The following PRRG3 variants were observed in gnomAD, a reference collection of about 807,000 sequenced individuals.
The protein encoded by PRRG3 is transmembrane gamma-carboxyglutamic acid protein 3.
Under a neutral mutation model 15.8 loss-of-function variants are expected in PRRG3, and 21 were observed. That is an observed-to-expected ratio of 1.33 (90% CI 0.94 to 1.92). The LOEUF is 1.92. Among genes scored for constraint, PRRG3 ranks in the 40% most tolerant of loss-of-function variants. The probability of loss-of-function intolerance (pLI) is 0.00; values close to 1 mark genes in which losing one functional copy is unlikely to be tolerated. For missense variants in PRRG3, 251 were observed against 200.2 expected (o/e 1.25, Z -1.53); for synonymous variants, 125 against 84.1 (o/e 1.49, Z -2.66).
In PRRG3 at chrX:151,705,451, C is replaced by A. The variant is rs1436554750; in HGVS notation, c.*4418C>A. On this transcript the variant is annotated 3_prime_UTR_variant, in exon 4 of 4. Coordinates refer to ENST00000674457, the MANE Select transcript of PRRG3 (RefSeq NM_001372163.1). ...AACAGTTGTTTCACTGTACTGATAT[C>A]TGACTGCTGAACAGTGCCTGCCCTT... The A allele has an allele frequency of 9.0e-6, 3 of 334,170 alleles. No individual in the cohort carries two copies. Among genetic ancestry groups the A allele is most frequent in the South Asian group, 5.4e-5 (2 of 36,956 alleles). 27.5% of individuals were successfully genotyped at this position (334,170 alleles called of 1,213,427 possible).
rs2014958139 is a variant in PRRG3 at position 151,705,399 on chromosome X, A to G, written c.*4366A>G. 1 of 341,219 alleles carries G rather than the reference A, an allele frequency of 2.9e-6. No homozygotes were observed. The highest frequency in any genetic ancestry group is 2.7e-5 in the African/African-American group (1 of 37,554). The allele number at this position is 341,219 out of a possible 1,213,427, so 28.1% of individuals were successfully genotyped here. On this transcript the variant is annotated 3_prime_UTR_variant, in exon 4 of 4. Coordinates refer to ENST00000674457, the MANE Select transcript of PRRG3 (RefSeq NM_001372163.1). The stretch of plus-strand genomic sequence containing the variant: ...ATTTATCTGACAAACATACCCAAAT[A>G]GCACACCCTCTCAAGCTCAATGCCT...
chrX:151,700,109 T>C lies in PRRG3; in HGVS notation c.121T>C (p.Cys41Arg). 1 of 1,212,006 alleles carries C rather than the reference T, an allele frequency of 8.3e-7. No individual in the cohort carries two copies. The highest frequency in any genetic ancestry group is 1.1e-6 in the Non-Finnish European group (1 of 895,605). ...TIERECMEEI[C>R]SYEEVKEVFE... ...CGAGCGAGAGTGCATGGAGGAGATC[T>C]GCAGCTACGAGGAGGTCAAGGAAGT... The change falls in exon 3 of 4, where the codon TGC (cysteine) becomes CGC (arginine). Residue 41 changes from cysteine to arginine, a missense_variant. Coordinates refer to ENST00000674457, the MANE Select transcript of PRRG3 (RefSeq NM_001372163.1).
intron 2 of PRRG3, among the ~76,000 whole-genome samples, 157 bp downstream of exon 2, chrX:151,698,978 C>G (rs1470976489): frequency 8.9e-6 from 1 of 112,535 alleles, no homozygotes. Context: ...CCTCTCAACT[C>G]TTTGGCTCCC....
At position 151,700,903 on chromosome X, in the gene PRRG3, C is replaced by T. The variant is rs778137037; in HGVS notation, c.566C>T (p.Thr189Ile). 1.1e-5 allele frequency: 13 copies of T among 1,207,584 alleles called. No individual in the cohort carries two copies. In the East Asian group the frequency reaches 3.9e-4, roughly 36 times the overall value. Residue 189 changes from threonine (T) to isoleucine (I), a missense_variant, in exon 4 of 4, where the codon ACC (threonine) becomes ATC (isoleucine). By Grantham distance (89) the Thr-to-Ile change is moderately conservative. Transcript: ENST00000674457. ...TCTCTCTCCAGACTGTCCAGCACCA[C>T]CCCTCCCCCCTCCTACGAGGAGGTG... is the stretch of plus-strand genomic sequence containing the variant. ...ELSLSRLSST[T>I]PPPSYEEVTA...
chrX:151,697,237 T>C (rs1489277413), intron 1 of PRRG3, among the ~76,000 whole-genome samples: 1 of 108,618 alleles, frequency 9.2e-6, no homozygotes, highest in African/African-American at 3.4e-5. Context: ...TCAGCTCACT[T>C]CAATCTCCGC....
chrX:151,701,248 C>A lies in PRRG3; in HGVS notation c.*215C>A. The A allele has an allele frequency of 3.2e-6, 1 of 310,562 alleles. No individual in the cohort carries two copies. The highest frequency in any genetic ancestry group is 5.6e-6 in the Non-Finnish European group (1 of 179,963). 25.6% of individuals were successfully genotyped at this position (310,562 alleles called of 1,213,427 possible). On this transcript the variant is annotated 3_prime_UTR_variant, in exon 4 of 4. Transcript: ENST00000674457. ...ATGAGTCGAAGCCCCCGGGAAGAGC[C>A]AAAGGCCAAAGTGCCCAACTCTTTG...
At chrX:151,699,970 A>G (rs1424107274) in intron 2 of PRRG3, 26 bp from the exon 3 acceptor site, 2 of 1,174,391 alleles carry the variant, frequency 1.7e-6, no homozygotes, top group East Asian at 6.0e-5. Flanking sequence ...TCCCCATTCC[A>G]GGCCTCAGTA....
In PRRG3 at chrX:151,700,133, G is replaced by GTGTT. The variant is rs764053641; in HGVS notation, c.148_151dup (p.Glu51ValfsTer2). ...CTGCAGCTACGAGGAGGTCAAGGAA[G>GTGTT]TGTTTGAGAACAAAGAGAAAACGGC... On this transcript the variant is annotated frameshift_variant, in exon 3 of 4. Transcript: ENST00000674457. LOFTEE classifies it high-confidence loss of function. 8.3e-7 allele frequency: 1 copy of GTGTT among 1,212,082 alleles called. No homozygotes were observed. The highest frequency in any genetic ancestry group is 1.1e-6 in the Non-Finnish European group (1 of 895,634).
At chrX:151,695,662 G>A (rs2014747162) in intron 1 of PRRG3, 118 bp downstream of exon 1, 1 of 111,859 alleles carries the variant, frequency 8.9e-6, no homozygotes, top group Admixed American at 9.3e-5. Flanking sequence ...TCCGGGCCAA[G>A]GGGATGGGGC....
rs1475463467 is a variant in PRRG3 at position 151,701,261 on chromosome X, GCCCAACTCTTTGGGATGACC to G, written c.*234_*253del. ...CCCGGGAAGAGCCAAAGGCCAAAGT[GCCCAACTCTTTGGGATGACC>G]CCCAAGCCTCCAACATCCTGTCTTT... On this transcript the variant is annotated 3_prime_UTR_variant, in exon 4 of 4. Transcript: ENST00000674457. 2 of 298,337 alleles carry G rather than the reference GCCCAACTCTTTGGGATGACC, an allele frequency of 6.7e-6. No individual in the cohort carries two copies. The highest frequency in any genetic ancestry group is 5.8e-6 in the Non-Finnish European group (1 of 171,586). The allele number at this position is 298,337 out of a possible 1,213,427, so 24.6% of individuals were successfully genotyped here. A position where few individuals can be genotyped will look rare whatever the true frequency, so the allele number is the denominator to read the frequency against.
intron 3 of PRRG3, 70 bp from the exon 4 acceptor site, chrX:151,700,436 A>G (rs963833680): frequency 8.9e-7 from 1 of 1,123,761 alleles, no homozygotes; most frequent in Non-Finnish European, 1.2e-6. Context: ...AGGAAGCACC[A>G]GAGTTACTGA....
rs183530355 is a variant in PRRG3, at chrX:151,700,178, G to T, written c.168+22G>T. The T allele has an allele frequency of 3.5e-3, 4,184 of 1,210,222 alleles. 164 individuals carry two copies. The Admixed American group carries it at 0.086, about 25-fold the overall frequency. On this transcript the variant is annotated intron_variant, in intron 3 of 3. Transcript: ENST00000674457. The stretch of plus-strand genomic sequence containing the variant: ...AACGGCATGTACCACCCTGGGGCTG[G>T]TTCTGGGAGTAGGAGTAGCCTCAGG...
chrX:151,701,174 G>T lies in PRRG3; in HGVS notation c.*141G>T. ...TAATTCCCTAACTGTGGAGTTTTAGGAAGTCAGTTGTCAGAGACAGGTGGG... is the reference window on the plus strand; with the variant it reads ...TAATTCCCTAACTGTGGAGTTTTAGTAAGTCAGTTGTCAGAGACAGGTGGG... On this transcript the variant is annotated 3_prime_UTR_variant, in exon 4 of 4. Coordinates refer to ENST00000674457, the MANE Select transcript of PRRG3 (RefSeq NM_001372163.1). 7 of 526,524 alleles carry T rather than the reference G, an allele frequency of 1.3e-5. No homozygotes were observed. Among genetic ancestry groups the T allele is most frequent in the Non-Finnish European group, 1.3e-5 (5 of 370,737 alleles). The allele number at this position is 526,524 out of a possible 1,213,427, so 43.4% of individuals were successfully genotyped here.
rs1029838167 is a variant in PRRG3 at position 151,705,122 on chromosome X, C to CTCTTG, written c.*4091_*4095dup. On this transcript the variant is annotated 3_prime_UTR_variant, in exon 4 of 4. Transcript: ENST00000674457. ...GCACTTCTCGTATGTACAGGGTGAT[C>CTCTTG]TCTTGTTCTCTCTCCATCACAGGGA... 3.7e-6 allele frequency: 1 copy of CTCTTG among 269,647 alleles called. No individual in the cohort carries two copies. The highest frequency in any genetic ancestry group is 7.1e-6 in the Non-Finnish European group (1 of 141,145). The allele number at this position is 269,647 out of a possible 1,213,427, so 22.2% of individuals were successfully genotyped here.
rs1275716665 is a variant in PRRG3, at chrX:151,702,729, G to C, written c.*1696G>C. The stretch of plus-strand genomic sequence containing the variant: ...CATCCTCTCGTCCTCCCTTTCCAGA[G>C]CTCCCTGATGCCAGAGATGCTGGTG... On this transcript the variant is annotated 3_prime_UTR_variant, in exon 4 of 4. Transcript: ENST00000674457. 1 of 112,238 alleles carries C rather than the reference G, an allele frequency of 8.9e-6. No individual in the cohort carries two copies. Among genetic ancestry groups the C allele is most frequent in the South Asian group, 3.8e-4 (1 of 2,662 alleles). The allele number at this position is 112,238 out of a possible 1,213,427, so 9.2% of individuals were successfully genotyped here. A position where few individuals can be genotyped will look rare whatever the true frequency, so the allele number is the denominator to read the frequency against.
At chrX:151,698,727 T>C (rs1444218916) in intron 1 of PRRG3, 57 bp from the exon 2 acceptor site, 1 of 944,618 alleles carries the variant, frequency 1.1e-6, no homozygotes, top group Non-Finnish European at 1.5e-6. Flanking sequence ...GCCAAGAGTG[T>C]GCCCTGTAAA....
chrX:151,701,974 T>C lies in PRRG3; in HGVS notation c.*941T>C, dbSNP rs1247074859. The stretch of plus-strand genomic sequence containing the variant: ...GTGTCCCTTTTAAAACATTTATTTG[T>C]GGAGAAGCCCGTGGCCTGGGGTTGA... On this transcript the variant is annotated 3_prime_UTR_variant, in exon 4 of 4. Coordinates refer to ENST00000674457, the MANE Select transcript of PRRG3 (RefSeq NM_001372163.1). The C allele has an allele frequency of 8.9e-6, 1 of 112,552 alleles. No homozygotes were observed. The highest frequency in any genetic ancestry group is 3.2e-5 in the African/African-American group (1 of 30,970). 9.3% of individuals were successfully genotyped at this position (112,552 alleles called of 1,213,427 possible). A position where few individuals can be genotyped will look rare whatever the true frequency, so the allele number is the denominator to read the frequency against.
chrX:151,700,812 C>A lies in PRRG3; in HGVS notation c.475C>A (p.Leu159Met). 3 of 1,191,938 alleles carry A rather than the reference C, an allele frequency of 2.5e-6. No individual in the cohort carries two copies. The highest frequency in any genetic ancestry group is 3.4e-6 in the Non-Finnish European group (3 of 883,986). ...REAANSPQVV[L>M]GPSRGGRTTV... is the part of the protein sequence containing the mutation. ...GGCAGCGAACAGCCCCCAGGTGGTG[C>A]TGGGGCCCAGTCGGGGGGGCAGGAC... The change falls in exon 4 of 4, where the codon CTG becomes ATG. Residue 159 changes from leucine (L) to methionine (M), a missense_variant. Physicochemically the swap from Leu to Met is conservative, Grantham distance 15 (BLOSUM62 2). Coordinates refer to ENST00000674457, the MANE Select transcript of PRRG3 (RefSeq NM_001372163.1).
chrX:151,703,191 A>C lies in PRRG3; in HGVS notation c.*2158A>C, dbSNP rs1398258081. On this transcript the variant is annotated 3_prime_UTR_variant, in exon 4 of 4. Transcript: ENST00000674457. ...GAGGACAGGCCGTGGGAAGAGTCAC[A>C]GGAGGTTGCTTAAGGCCTGTGATGT... The C allele has an allele frequency of 1.8e-5, 2 of 112,216 alleles. No individual in the cohort carries two copies. Among genetic ancestry groups the C allele is most frequent in the African/African-American group, 6.5e-5 (2 of 30,830 alleles). 9.2% of individuals were successfully genotyped at this position (112,216 alleles called of 1,213,427 possible). A position where few individuals can be genotyped will look rare whatever the true frequency, so the allele number is the denominator to read the frequency against.
Sources: gnomAD v4.1 joint callset for allele counts (sites outside exome capture counted in the v4.1 genomes callset) on GRCh38, gnomAD v4.1.1 for gene constraint, MANE v1.5 for transcripts, NCBI Gene and HGNC (gene_info 2026-07-23, HGNC 2026-07-21) for gene names.